Variants in YJU2B observed in about 807,000 individuals in gnomAD.
YJU2B encodes probable splicing factor YJU2B.
Under a neutral mutation model 38.0 loss-of-function variants are expected in YJU2B, and 18 were observed. The observed-to-expected ratio is 0.47, with a 90% confidence interval of 0.33 to 0.70. YJU2B has a LOEUF of 0.70. Ranked by LOEUF, YJU2B falls within the 30% of genes least tolerant of loss-of-function variation. YJU2B has a pLI of 0.02. For missense variants in YJU2B, 538 were observed against 556.3 expected (o/e 0.97, Z 0.33); for synonymous variants, 246 against 225.4 (o/e 1.09, Z -0.82).
At chr19:13,762,219 T>A in intron 8 of YJU2B, 80 bp from the exon 9 acceptor site, 1 of 1,465,320 alleles carries the variant, frequency 6.8e-7, no homozygotes, top group Non-Finnish European at 9.2e-7. Context: ...ACCCCGAGAG[T>A]TGGAGCAGTG....
At chr19:13,732,962 C>T (rs1341287580) in intron 2 of YJU2B, among the ~76,000 whole-genome samples, 3 of 146,786 alleles carry the variant, frequency 2.0e-5, no homozygotes, top group Admixed American at 7.0e-5. Flanking sequence ...CGGGGTCTTG[C>T]TCTGTCACCC....
intron 2 of YJU2B, among the ~76,000 whole-genome samples, chr19:13,740,682 G>C (rs568163339): frequency 6.6e-6 from 1 of 152,124 alleles, no homozygotes; most frequent in South Asian, 2.1e-4. Context: ...GATTACATGC[G>C]TGCGCCACCA....
At chr19:13,749,276 T>A (rs968263693) in intron 1 of YJU2B, among the ~76,000 whole-genome samples, 5 of 152,208 alleles carry the variant, frequency 3.3e-5, no homozygotes, top group Non-Finnish European at 7.3e-5. Context: ...AGTGCTGGGA[T>A]TACAGGCGTG....
At chr19:13,738,209 C>T (rs75948786) in intron 2 of YJU2B, among the ~76,000 whole-genome samples, 8,308 of 152,254 alleles carry the variant, frequency 0.055, 294 homozygotes, top group Non-Finnish European at 0.08. Context: ...TCCTCTTCAT[C>T]GTGGCCTTGG....
chr19:13,751,457 G>A (rs567408826), intron 1 of YJU2B, among the ~76,000 whole-genome samples, 151 bp from the exon 2 acceptor site: 17 of 152,114 alleles, frequency 1.1e-4, no homozygotes, highest in Non-Finnish European at 1.8e-4. Flanking sequence ...GTGAGCAAGT[G>A]TCAAGGGCAG....
intron 4 of YJU2B, among the ~76,000 whole-genome samples, chr19:13,756,705 T>C (rs1973680307): frequency 1.3e-5 from 2 of 152,082 alleles, no homozygotes; most frequent in African/African-American, 2.4e-5. Flanking sequence ...TTGGGCACAG[T>C]GGGTCACGCC....
intron 9 of YJU2B, 58 bp downstream of exon 9, chr19:13,762,495 G>T: frequency 6.3e-7 from 1 of 1,591,318 alleles, no homozygotes; most frequent in Admixed American, 1.7e-5. Context: ...CCTGGAGATG[G>T]GGGGTCCTCA....
At position 13,759,154 on chromosome 19, in the gene YJU2B, G is replaced by C; in HGVS notation, c.455G>C (p.Gly152Ala). The change falls in exon 8 of 10, where the codon GGC (glycine) becomes GCC (alanine). Residue 152 changes from glycine (G) to alanine (A), a missense_variant. Gly to Ala is a moderately conservative substitution (Grantham distance 60, BLOSUM62 0). Transcript: ENST00000221554. ...ETDAMFRLEH[G>A]EADRSTLKKA... ...GACGCCATGTTCCGGCTGGAGCATG[G>C]CGAGGCCGACCGCAGCACACTCAAG... 6.2e-7 allele frequency: 1 copy of C among 1,613,618 alleles called. No homozygotes were observed. The highest frequency in any genetic ancestry group is 8.5e-7 in the Non-Finnish European group (1 of 1,179,864).
upstream of YJU2B, among the ~76,000 whole-genome samples, chr19:13,747,020 C>G (rs962252252): frequency 7.0e-6 from 1 of 142,646 alleles, no homozygotes; most frequent in East Asian, 2.3e-4. Context: ...GAAAGTCTGT[C>G]TTGTTAAGCA....
upstream of YJU2B, among the ~76,000 whole-genome samples, chr19:13,745,287 A>G (rs1267166361): frequency 6.6e-6 from 1 of 152,192 alleles, no homozygotes; most frequent in Non-Finnish European, 1.5e-5. Flanking sequence ...AGCACTCAGT[A>G]TGCAGCACCA....
chr19:13,752,204 C>T (rs893272279), intron 2 of YJU2B, among the ~76,000 whole-genome samples: 1 of 152,008 alleles, frequency 6.6e-6, no homozygotes, highest in Non-Finnish European at 1.5e-5. Flanking sequence ...ATCCACTACA[C>T]TCAACCTAAA....
chr19:13,753,013 G>A (rs950602274), intron 2 of YJU2B, among the ~76,000 whole-genome samples: 4 of 152,154 alleles, frequency 2.6e-5, no homozygotes, highest in Non-Finnish European at 4.4e-5. Flanking sequence ...CTGCCCAGTG[G>A]CAATGTTAAA....
intron 3 of YJU2B, among the ~76,000 whole-genome samples, chr19:13,754,746 C>T (rs947697027): frequency 6.6e-6 from 1 of 152,164 alleles, no homozygotes; most frequent in African/African-American, 2.4e-5. Flanking sequence ...ACCACTGTCT[C>T]GTTCTCTGTT....
rs563516795 is a variant in YJU2B, at chr19:13,758,217, C to T, written c.257+371C>T. Among the ~76,000 whole-genome samples, 66 of 152,322 alleles carry T rather than the reference C, an allele frequency of 4.3e-4. 1 individual carries two copies. The South Asian group carries it at 9.5e-3, about 22-fold the overall frequency. The stretch of plus-strand genomic sequence containing the variant: ...GTAGCTCCAAGGCTCCTCCCTCACC[C>T]GGGGTTTCTGCTCAAACAGCACCCC... On this transcript the variant is annotated intron_variant, in intron 6 of 9. Coordinates refer to ENST00000221554, the MANE Select transcript of YJU2B (RefSeq NM_030818.4).
chr19:13,742,900 C>T (rs1005093106), upstream of YJU2B, among the ~76,000 whole-genome samples: 9 of 152,146 alleles, frequency 5.9e-5, no homozygotes, highest in African/African-American at 1.7e-4. Context: ...TGGGGATCAG[C>T]GAGCATGCCT....
rs115218936 is a variant in YJU2B, at chr19:13,758,899, T to C, written c.289T>C (p.Tyr97His). ...GATGAAATGCCACCTCTGTGTCAAC[T>C]ACATCGAGATGCAGACGGACCCCGC... ...FRMKCHLCVNYIEMQTDPANC... is the reference protein window; with the variant it reads ...FRMKCHLCVNHIEMQTDPANC... The change falls in exon 7 of 10, where the codon TAC (tyrosine) becomes CAC (histidine). Residue 97 changes from tyrosine (Y) to histidine (H), a missense_variant. Tyr to His is a moderately conservative substitution (Grantham distance 83). Around this residue, in one of 2 missense-constraint regions of YJU2B, gnomAD observed 488 missense variants for 469.5 expected, o/e 1.04. Coordinates refer to ENST00000221554, the MANE Select transcript of YJU2B (RefSeq NM_030818.4). 2.0e-4 allele frequency: 322 copies of C among 1,613,852 alleles called. 1 individual carries two copies. In the African/African-American group the frequency reaches 3.0e-3, roughly 15 times the overall value.
upstream of YJU2B, among the ~76,000 whole-genome samples, chr19:13,745,694 T>TAGATAGATAGATAG (rs1555699820): frequency 4.8e-4 from 18 of 37,132 alleles, no homozygotes; most frequent in South Asian, 2.0e-3. Context: ...TAGATAGATA[T>TAGATAGATAGATAG]AGATATATAG....
rs750226979 is a variant in YJU2B at position 13,763,108 on chromosome 19, C to T, written c.*40C>T. On this transcript the variant is annotated 3_prime_UTR_variant, in exon 10 of 10. Transcript: ENST00000221554. ...GGAGACTGGACCCGCTCTAGAGGCC[C>T]GGACACACCCAGGAGGCCCCTCACA... is the stretch of plus-strand genomic sequence containing the variant. The T allele has an allele frequency of 6.7e-7, 1 of 1,485,798 alleles. No individual in the cohort carries two copies. The highest frequency in any genetic ancestry group is 9.0e-7 in the Non-Finnish European group (1 of 1,107,988). 92.0% of individuals were successfully genotyped at this position (1,485,798 alleles called of 1,614,324 possible).
Position 13,757,422 on chromosome 19 carries a change from G to T in YJU2B, c.145G>T (p.Glu49Ter). Residue 49 changes from glutamate (E) to a stop codon, truncating the protein, a stop_gained, in exon 5 of 10, where the codon GAA becomes TAA. Coordinates refer to ENST00000221554, the MANE Select transcript of YJU2B (RefSeq NM_030818.4). LOFTEE classifies it high-confidence loss of function. ...LSQGILIIRF[E>*]MPYNIWCDGC... The stretch of plus-strand genomic sequence containing the variant: ...AGATGCTGTCTGTCTTTGCAGATTC[G>T]AAATGCCATATAACATCTGGTGCGA... 6.2e-7 allele frequency: 1 copy of T among 1,613,912 alleles called. No homozygotes were observed. The highest frequency in any genetic ancestry group is 8.5e-7 in the Non-Finnish European group (1 of 1,179,860).
Sources: allele counts gnomAD v4.1 joint callset (sites outside exome capture counted in the v4.1 genomes callset), GRCh38; gene constraint gnomAD v4.1.1; regional missense constraint gnomAD v4.1.1; transcripts MANE v1.5; gene names NCBI Gene and HGNC (gene_info 2026-07-23, HGNC 2026-07-21).